LSMEM1: variants seen among roughly 807,000 people sequenced by gnomAD.
The protein encoded by LSMEM1 is leucine-rich single-pass membrane protein 1.
LSMEM1 carries 10 observed loss-of-function variants against 11.3 expected under a neutral mutation model. The ratio of observed to expected loss-of-function variants is 0.89; its 90% confidence interval spans 0.55 to 1.50. The LOEUF is 1.50. Among genes scored for constraint, LSMEM1 ranks in the 40% most tolerant of loss-of-function variants. LSMEM1 has a pLI of 0.00. For synonymous variants in LSMEM1, 65 were observed against 59.3 expected (o/e 1.10, Z -0.44); for missense variants, 151 against 152.9 (o/e 0.99, Z 0.06).
In LSMEM1 at chr7:112,490,192, T is replaced by C; in HGVS notation, c.*243T>C. 1 of 411,862 alleles carries C rather than the reference T, an allele frequency of 2.4e-6. No homozygotes were observed. Among genetic ancestry groups the C allele is most frequent in the Non-Finnish European group, 4.3e-6 (1 of 231,540 alleles). The allele number at this position is 411,862 out of a possible 1,614,324, so 25.5% of individuals were successfully genotyped here. A position where few individuals can be genotyped will look rare whatever the true frequency, so the allele number is the denominator to read the frequency against. On this transcript the variant is annotated 3_prime_UTR_variant, in exon 4 of 4. Coordinates refer to ENST00000312849, the MANE Select transcript of LSMEM1 (RefSeq NM_182597.3). The stretch of plus-strand genomic sequence containing the variant: ...CCCTTTTATGGTAGGGCACTTCAAC[T>C]TTAATGGGGTGGGCGGCTAGCAGGG...
At chr7:112,487,380 G>A (rs1314931896) in intron 3 of LSMEM1, among the ~76,000 whole-genome samples, 1 of 152,190 alleles carries the variant, frequency 6.6e-6, no homozygotes, top group Non-Finnish European at 1.5e-5. Flanking sequence ...TTTATCCAAT[G>A]CCTAGATTTC....
At chr7:112,483,768 A>G (rs1282878762) in intron 1 of LSMEM1, among the ~76,000 whole-genome samples, 1 of 152,156 alleles carries the variant, frequency 6.6e-6, no homozygotes, top group Non-Finnish European at 1.5e-5. Flanking sequence ...GATCCTGGGC[A>G]TTTACCTCGC....
At position 112,484,908 on chromosome 7, in the gene LSMEM1, TA is replaced by T; in HGVS notation, c.95del (p.Asn32ThrfsTer13). On this transcript the variant is annotated frameshift_variant, in exon 2 of 4. Coordinates refer to ENST00000312849, the MANE Select transcript of LSMEM1 (RefSeq NM_182597.3). LOFTEE classifies it high-confidence loss of function. Reference protein sequence around the residue: ...VVDSINDLNKLNLCPAGSQHL... With the variant: ...VVDSINDLNKXNLCPAGSQHL... ...GATTCCATAAATGACTTAAACAAAC[TA>T]AACCTCTGTCCAGCCGGATCGCAGC... 1 of 1,613,230 alleles carries T rather than the reference TA, an allele frequency of 6.2e-7. No homozygotes were observed. Among genetic ancestry groups the T allele is most frequent in the Non-Finnish European group, 8.5e-7 (1 of 1,179,440 alleles).
At chr7:112,484,437 AT>A (rs1489489375) in intron 1 of LSMEM1, among the ~76,000 whole-genome samples, 4 of 152,246 alleles carry the variant, frequency 2.6e-5, no homozygotes, top group Non-Finnish European at 5.9e-5. Context: ...GAACAATGTA[AT>A]AAAAGAAAAA....
Position 112,483,027 on chromosome 7 carries a change from G to T in LSMEM1, c.-6+1681G>T, listed in dbSNP as rs550695858. Among the ~76,000 whole-genome samples, 177 of 152,172 alleles carry T rather than the reference G, an allele frequency of 1.2e-3. 1 individual carries two copies. The highest frequency in any genetic ancestry group is 2.2e-3 in the Non-Finnish European group (148 of 68,012). ...GGTAGCACATTTTTCACAAGTACCA[G>T]TAGTTTTAGGTATTACTGGGAAATT... is the stretch of plus-strand genomic sequence containing the variant. On this transcript the variant is annotated intron_variant, in intron 1 of 3. Coordinates refer to ENST00000312849, the MANE Select transcript of LSMEM1 (RefSeq NM_182597.3).
chr7:112,485,222 C>A (rs2117366505), intron 2 of LSMEM1, among the ~76,000 whole-genome samples: 2 of 152,288 alleles, frequency 1.3e-5, no homozygotes, highest in East Asian at 3.9e-4. Flanking sequence ...GTGGAGCCTG[C>A]AGAGCTGGAC....
chr7:112,484,732 G>C, intron 1 of LSMEM1, 80 bp from the exon 2 acceptor site: 1 of 1,490,150 alleles, frequency 6.7e-7, no homozygotes, highest in Admixed American at 1.9e-5. Flanking sequence ...GGCCTGTCTG[G>C]CTTCCTGGTG....
At position 112,486,965 on chromosome 7, in the gene LSMEM1, A is replaced by T. The variant is rs762207045; in HGVS notation, c.170A>T (p.Asn57Ile). ...KIPVLGTNSGNGSRSLFFVGL... is the reference protein window; with the variant it reads ...KIPVLGTNSGIGSRSLFFVGL... The stretch of plus-strand genomic sequence containing the variant: ...CCAGTCCTTGGCACAAACTCAGGAA[A>T]TGGAAGCCGGAGTCTGTTTTTTGTG... The change falls in exon 3 of 4, where the codon AAT becomes ATT. Residue 57 changes from asparagine (N) to isoleucine (I), a missense_variant. Physicochemically the swap from Asn to Ile is moderately radical, Grantham distance 149. Transcript: ENST00000312849. 2 of 1,614,016 alleles carry T rather than the reference A, an allele frequency of 1.2e-6. No homozygotes were observed. Among genetic ancestry groups the T allele is most frequent in the Non-Finnish European group, 1.7e-6 (2 of 1,179,998 alleles).
At chr7:112,485,043 G>A (rs1251708140) in intron 2 of LSMEM1, 100 bp downstream of exon 2, 10 of 1,347,844 alleles carry the variant, frequency 7.4e-6, no homozygotes, top group African/African-American at 4.5e-5. Context: ...GAGGGGGAGG[G>A]GGCATTAGGA....
chr7:112,487,259 C>A (rs1307799842), intron 3 of LSMEM1, among the ~76,000 whole-genome samples: 2 of 152,134 alleles, frequency 1.3e-5, no homozygotes, highest in Non-Finnish European at 2.9e-5. Flanking sequence ...CCCATAGTGC[C>A]AGAAGTCCAT....
intron 2 of LSMEM1, 65 bp from the exon 3 acceptor site, chr7:112,486,858 C>G (rs1005676235): frequency 1.9e-5 from 31 of 1,604,206 alleles, no homozygotes; most frequent in Non-Finnish European, 2.6e-5. Context: ...GGGTACTGTT[C>G]AGTTCTGCTG....
chr7:112,480,522 T>C (rs780655575), upstream of LSMEM1, among the ~76,000 whole-genome samples: 1 of 152,246 alleles, frequency 6.6e-6, no homozygotes, highest in Non-Finnish European at 1.5e-5. Context: ...CTGAGATAGT[T>C]GGTCTCCTCA....
Position 112,490,037 on chromosome 7 carries a change from T to C in LSMEM1, c.*88T>C, listed in dbSNP as rs1312471249. ...AGGGTTAGGAACTGAGAAAGTGCAC[T>C]TCCTCAGGCAACAGATGATCTGGTC... On this transcript the variant is annotated 3_prime_UTR_variant, in exon 4 of 4. Transcript: ENST00000312849. 5 of 1,315,738 alleles carry C rather than the reference T, an allele frequency of 3.8e-6. No individual in the cohort carries two copies. The highest frequency in any genetic ancestry group is 4.1e-6 in the Non-Finnish European group (4 of 970,794). 81.5% of individuals were successfully genotyped at this position (1,315,738 alleles called of 1,614,324 possible).
rs1465004139 is a variant in LSMEM1, at chr7:112,490,946, AATGTATT to A, written c.*1001_*1007del. On this transcript the variant is annotated 3_prime_UTR_variant, in exon 4 of 4. Coordinates refer to ENST00000312849, the MANE Select transcript of LSMEM1 (RefSeq NM_182597.3). ...AAAATATTCTACCGGTCAATTGAAG[AATGTATT>A]ATGATTCTATCATTTTGGATTGATC... is the stretch of plus-strand genomic sequence containing the variant. The A allele has an allele frequency of 6.6e-6, 1 of 152,230 alleles. No homozygotes were observed. Among genetic ancestry groups the A allele is most frequent in the Non-Finnish European group, 1.5e-5 (1 of 68,038 alleles). The allele number at this position is 152,230 out of a possible 1,614,324, so 9.4% of individuals were successfully genotyped here. A position where few individuals can be genotyped will look rare whatever the true frequency, so the allele number is the denominator to read the frequency against.
intron 2 of LSMEM1, 73 bp downstream of exon 2, chr7:112,485,016 G>C: frequency 7.4e-7 from 1 of 1,359,248 alleles, no homozygotes. Context: ...CTGCTGACTG[G>C]ATGTGTGGGT....
chr7:112,488,146 G>A (rs973591276), intron 3 of LSMEM1, among the ~76,000 whole-genome samples: 2 of 152,158 alleles, frequency 1.3e-5, no homozygotes, highest in African/African-American at 2.4e-5. Flanking sequence ...GGAGGGAGGG[G>A]TCATGTTTAA....
Position 112,490,112 on chromosome 7 carries a change from C to G in LSMEM1, c.*163C>G, listed in dbSNP as rs979378321. 8 of 710,464 alleles carry G rather than the reference C, an allele frequency of 1.1e-5. No homozygotes were observed. The South Asian group carries it at 1.7e-4, about 15-fold the overall frequency. 44.0% of individuals were successfully genotyped at this position (710,464 alleles called of 1,614,324 possible). Reference sequence around the variant, plus strand: ...TTTCTGCAGCAAGATGGGAGCAATTCCAAGGCAAGTGGGTATGGGAATAGC... The same window carrying G: ...TTTCTGCAGCAAGATGGGAGCAATTGCAAGGCAAGTGGGTATGGGAATAGC... On this transcript the variant is annotated 3_prime_UTR_variant, in exon 4 of 4. Transcript: ENST00000312849.
chr7:112,485,094 T>C (rs1796104031), intron 2 of LSMEM1, 151 bp downstream of exon 2: 1 of 911,340 alleles, frequency 1.1e-6, no homozygotes, highest in East Asian at 3.0e-5. Context: ...TTGGGCAATT[T>C]TGCTTTTGTT....
chr7:112,489,917 C>A lies in LSMEM1; in HGVS notation c.364C>A (p.Gln122Lys), dbSNP rs750063583. Residue 122 changes from glutamine (Q) to lysine (K), a missense_variant, in exon 4 of 4, where the codon CAA becomes AAA. Physicochemically the swap from Gln to Lys is moderately conservative, Grantham distance 53. Transcript: ENST00000312849. ...INNMIVKRLN[Q>K]LNQLDSEQN ...TAACATGATCGTAAAGCGACTCAAC[C>A]AACTCAACCAACTGGACTCTGAACA... 8.7e-6 allele frequency: 14 copies of A among 1,613,944 alleles called. No homozygotes were observed. The highest frequency in any genetic ancestry group is 1.3e-5 in the African/African-American group (1 of 75,028).
Sources: gnomAD v4.1 joint callset for allele counts (sites outside exome capture counted in the v4.1 genomes callset) on GRCh38, gnomAD v4.1.1 for gene constraint, MANE v1.5 for transcripts, NCBI Gene and HGNC (gene_info 2026-07-23, HGNC 2026-07-21) for gene names.